RERE: variants seen among roughly 807,000 people sequenced by gnomAD.
RERE encodes arginine-glutamic acid dipeptide repeats, also known as arginine-glutamic acid dipeptide repeats protein.
In RERE, 40 loss-of-function variants were observed where a neutral mutation model predicts 146.1. The ratio of observed to expected loss-of-function variants is 0.27; its 90% CI spans 0.21 to 0.36. The LOEUF is 0.36. Ranked by LOEUF, RERE falls within the 10% of genes least tolerant of loss-of-function variation. RERE has a pLI of 1.00. For missense variants in RERE, 1,933 were observed against 2,138.7 expected, an observed-to-expected ratio of 0.90 and a Z score of 1.90; for synonymous variants, 1,003 against 866.0, an observed-to-expected ratio of 1.16 and a Z score of -2.78.
intron 10 of RERE, among the ~76,000 whole-genome samples, chr1:8,486,442 C>A (rs1020302787): frequency 9.2e-5 from 14 of 152,068 alleles, no homozygotes; most frequent in African/African-American, 1.9e-4. Context: ...GAATTTAGTA[C>A]TAAATAATTC....
intron 2 of RERE, among the ~76,000 whole-genome samples, chr1:8,651,170 T>C (rs960628915): frequency 3.3e-5 from 5 of 151,926 alleles, no homozygotes; most frequent in African/African-American, 1.2e-4. Flanking sequence ...CCCCAAGACT[T>C]TGGGAGATGG....
At chr1:8,694,278 AG>A (rs1291488601) in intron 1 of RERE, among the ~76,000 whole-genome samples, 2 of 152,228 alleles carry the variant, frequency 1.3e-5, no homozygotes, top group Admixed American at 1.3e-4. Flanking sequence ...CTTCAGTAAA[AG>A]TTTCAGGATA....
chr1:8,580,248 A>G (rs1646347553), intron 4 of RERE, among the ~76,000 whole-genome samples: 1 of 152,212 alleles, frequency 6.6e-6, no homozygotes, highest in East Asian at 1.9e-4. Flanking sequence ...CTATCATTAA[A>G]CAACTTAAAT....
intron 1 of RERE, chr1:8,792,610 T>C (rs752147929): frequency 2.6e-5 from 4 of 152,184 alleles, no homozygotes; most frequent in Non-Finnish European, 5.9e-5. Flanking sequence ...CAGATGACTA[T>C]CACTGTGACT....
At chr1:8,738,897 T>C (rs980139349) in intron 1 of RERE, among the ~76,000 whole-genome samples, 1 of 152,152 alleles carries the variant, frequency 6.6e-6, no homozygotes, top group African/African-American at 2.4e-5. Flanking sequence ...TTGGAGCTCA[T>C]TCCAAACCCA....
At chr1:8,562,276 C>G (rs1646087491) in intron 4 of RERE, among the ~76,000 whole-genome samples, 1 of 152,104 alleles carries the variant, frequency 6.6e-6, no homozygotes, top group African/African-American at 2.4e-5. Context: ...AGAAGCTTGT[C>G]AAGAATTTCT....
intron 12 of RERE, among the ~76,000 whole-genome samples, chr1:8,388,352 G>A (rs1269493915): frequency 1.4e-5 from 2 of 148,076 alleles, no homozygotes; most frequent in Admixed American, 6.8e-5. Flanking sequence ...TCACTCTGTC[G>A]CCCAGGCTGG....
chr1:8,806,467 G>C (rs1349869003), intron 1 of RERE, among the ~76,000 whole-genome samples: 1 of 152,114 alleles, frequency 6.6e-6, no homozygotes, highest in Non-Finnish European at 1.5e-5. Context: ...GGAGGCGGAG[G>C]TTGCAGTGAG....
At chr1:8,497,151 T>C (rs1320776500) in intron 9 of RERE, among the ~76,000 whole-genome samples, 1 of 152,200 alleles carries the variant, frequency 6.6e-6, no homozygotes, top group Non-Finnish European at 1.5e-5. Flanking sequence ...TGTTTTCCTC[T>C]TGAAAAGTTC....
chr1:8,448,196 G>A (rs954302051), intron 11 of RERE, among the ~76,000 whole-genome samples: 4 of 152,070 alleles, frequency 2.6e-5, no homozygotes, highest in East Asian at 1.9e-4. Flanking sequence ...CTTCGATGAC[G>A]TTTCCTATTA....
intron 4 of RERE, among the ~76,000 whole-genome samples, chr1:8,587,936 C>T (rs1646446175): frequency 6.6e-6 from 1 of 152,138 alleles, no homozygotes; most frequent in Non-Finnish European, 1.5e-5. Flanking sequence ...ATGTTGGGAC[C>T]CTGAAAGACA....
intron 7 of RERE, among the ~76,000 whole-genome samples, chr1:8,509,251 T>A (rs180711928): frequency 6.6e-6 from 1 of 152,122 alleles, no homozygotes; most frequent in Non-Finnish European, 1.5e-5. Flanking sequence ...CTGGCCCCTA[T>A]ACCATCATTC....
chr1:8,767,135 G>A (rs925839187), intron 1 of RERE, among the ~76,000 whole-genome samples: 92 of 152,142 alleles, frequency 6.0e-4, no homozygotes, highest in African/African-American at 2.1e-3. Flanking sequence ...ACCAGAAACT[G>A]TAAGTAGTTG....
In RERE at chr1:8,352,700, G is replaced by A. The variant is rs1171018001; in HGVS notation, c.*2387C>T. The A allele has an allele frequency of 2.6e-5, 4 of 152,280 alleles. No homozygotes were observed. The highest frequency in any genetic ancestry group is 9.7e-5 in the African/African-American group (4 of 41,436). 9.4% of individuals were successfully genotyped at this position (152,280 alleles called of 1,614,324 possible). ...ACCCCGAACAAAGGGAGGAAAATCC[G>A]AAGGAAACCGAGTGGTTGGGCTTCA... On this transcript the variant is annotated 3_prime_UTR_variant, in exon 23 of 23. Transcript: ENST00000400908.
At chr1:8,454,883 T>C (rs1644434089) in intron 11 of RERE, among the ~76,000 whole-genome samples, 1 of 152,044 alleles carries the variant, frequency 6.6e-6, no homozygotes, top group Non-Finnish European at 1.5e-5. Context: ...GAGATCATAC[T>C]TTCTTGAGGC....
At chr1:8,516,496 T>A (rs1190655797) in intron 7 of RERE, among the ~76,000 whole-genome samples, 1 of 152,166 alleles carries the variant, frequency 6.6e-6, no homozygotes, top group Non-Finnish European at 1.5e-5. Context: ...TATTTTCTTA[T>A]CTAATCTTAC....
intron 2 of RERE, among the ~76,000 whole-genome samples, chr1:8,653,098 T>G (rs1647712087): frequency 1.3e-5 from 2 of 152,270 alleles, no homozygotes; most frequent in African/African-American, 2.4e-5. Flanking sequence ...ATAGCCGGTG[T>G]TTTTCATGTT....
rs576175114 is a variant in RERE at position 8,445,241 on chromosome 1, C to G, written c.1203+20684G>C. Reference sequence around the variant, plus strand: ...TTAGTCTGGTTTTACCTAACAGAAACAAACTAGGGTCACTGAAAACACTTT... The same window carrying G: ...TTAGTCTGGTTTTACCTAACAGAAAGAAACTAGGGTCACTGAAAACACTTT... On this transcript the variant is annotated intron_variant, in intron 11 of 22. Transcript: ENST00000400908. 3.9e-5 allele frequency among the ~76,000 whole-genome samples: 6 copies of G among 152,290 alleles called. No individual in the cohort carries two copies. The South Asian group carries it at 1.2e-3, about 32-fold the overall frequency.
At chr1:8,585,825 G>A (rs1017029190) in intron 4 of RERE, among the ~76,000 whole-genome samples, 1 of 152,180 alleles carries the variant, frequency 6.6e-6, no homozygotes, top group African/African-American at 2.4e-5. Context: ...GACAGTAGAT[G>A]ACAGACAACA....
Sources: allele counts gnomAD v4.1 joint callset (sites outside exome capture counted in the v4.1 genomes callset), GRCh38; gene constraint gnomAD v4.1.1; transcripts MANE v1.5; gene names NCBI Gene and HGNC (gene_info 2026-07-23, HGNC 2026-07-21).